The following RABEP1 variants were observed in gnomAD, a reference collection of about 807,000 sequenced individuals.
RABEP1 encodes rab GTPase-binding effector protein 1.
A neutral mutation model predicts 123.4 loss-of-function variants in RABEP1; 51 were observed. The observed-to-expected ratio is 0.41, with a 90% CI of 0.33 to 0.52. The LOEUF is 0.52. RABEP1 is among the 20% of genes least tolerant of loss of function. The probability of loss-of-function intolerance (pLI) is 0.16; values close to 1 mark genes in which losing one functional copy is unlikely to be tolerated. For missense variants in RABEP1, 888 were observed against 996.3 expected (o/e 0.89, Z 1.46); for synonymous variants, 347 against 355.2 (o/e 0.98, Z 0.26).
At chr17:5,356,578 G>A (rs1270252069) in intron 8 of RABEP1, 1 of 169,958 alleles carries the variant, frequency 5.9e-6, no homozygotes, top group Non-Finnish European at 1.3e-5. Context: ...ATTTTGGTAT[G>A]TATCTCTTTC....
intron 1 of RABEP1, among the ~76,000 whole-genome samples, chr17:5,288,397 T>C (rs1384051593): frequency 2.6e-5 from 4 of 152,108 alleles, no homozygotes; most frequent in East Asian, 3.9e-4. Flanking sequence ...TTATTTTATT[T>C]TATTTATTTA....
intron 6 of RABEP1, among the ~76,000 whole-genome samples, chr17:5,349,410 G>GA (rs1221613296): frequency 6.6e-6 from 1 of 152,172 alleles, no homozygotes; most frequent in African/African-American, 2.4e-5. Flanking sequence ...TTGGGGTGAG[G>GA]AAAAATCAGA....
intron 1 of RABEP1, among the ~76,000 whole-genome samples, chr17:5,291,871 C>T (rs2075036844): frequency 6.6e-6 from 1 of 152,202 alleles, no homozygotes; most frequent in Non-Finnish European, 1.5e-5. Context: ...AGCCACTGCA[C>T]TCCAGCCTGG....
intron 3 of RABEP1, among the ~76,000 whole-genome samples, chr17:5,332,474 A>T (rs1020793725): frequency 6.6e-6 from 1 of 152,164 alleles, no homozygotes; most frequent in African/African-American, 2.4e-5. Flanking sequence ...ATTAAGCTGT[A>T]TGGGCACAGG....
intron 2 of RABEP1, among the ~76,000 whole-genome samples, chr17:5,312,857 A>G (rs895363628): frequency 6.6e-6 from 1 of 152,280 alleles, no homozygotes; most frequent in East Asian, 1.9e-4. Context: ...CTGTAATCCT[A>G]GCAGTTTGAG....
At chr17:5,305,933 A>G (rs940954330) in intron 1 of RABEP1, among the ~76,000 whole-genome samples, 2 of 152,102 alleles carry the variant, frequency 1.3e-5, no homozygotes, top group African/African-American at 4.8e-5. Flanking sequence ...GTTCCTCAAA[A>G]ATTACCATTA....
At chr17:5,378,537 G>T in intron 15 of RABEP1, 1 of 402,020 alleles carries the variant, frequency 2.5e-6, no homozygotes, top group Non-Finnish European at 4.5e-6. Flanking sequence ...AGGTACAGTA[G>T]AAATATGTAT....
intron 2 of RABEP1, among the ~76,000 whole-genome samples, chr17:5,324,579 G>C (rs1400787083): frequency 6.6e-6 from 1 of 152,202 alleles, no homozygotes; most frequent in Non-Finnish European, 1.5e-5. Flanking sequence ...AAATGGGATT[G>C]CATCAGGCTA....
rs1332559580 is a variant in RABEP1, at chr17:5,308,594, T to C, written c.35-100T>C. ...GATTTTTGGAAGAAGCTTGACTACTTGTTTCACGTATAGCAATGTACAGCT... is the reference window on the plus strand; with the variant it reads ...GATTTTTGGAAGAAGCTTGACTACTCGTTTCACGTATAGCAATGTACAGCT... On this transcript the variant is annotated intron_variant, in intron 1 of 17. Transcript: ENST00000537505. 4 of 1,111,732 alleles carry C rather than the reference T, an allele frequency of 3.6e-6. No individual in the cohort carries two copies. The East Asian group carries it at 1.1e-4, about 31-fold the overall frequency. 68.9% of individuals were successfully genotyped at this position (1,111,732 alleles called of 1,614,324 possible).
rs3026116 is a variant in RABEP1 at position 5,383,230 on chromosome 17, C to T, written c.*7C>T. 1 of 1,610,814 alleles carries T rather than the reference C, an allele frequency of 6.2e-7. No homozygotes were observed. Among genetic ancestry groups the T allele is most frequent in the African/African-American group, 1.3e-5 (1 of 74,936 alleles). On this transcript the variant is annotated 3_prime_UTR_variant, in exon 18 of 18. Coordinates refer to ENST00000537505, the MANE Select transcript of RABEP1 (RefSeq NM_004703.6). ...CCAGCTTCCTGAGACATGACACCCTCATGGCAGGATTCTAGCCTGCACTTT... is the reference window on the plus strand; with the variant it reads ...CCAGCTTCCTGAGACATGACACCCTTATGGCAGGATTCTAGCCTGCACTTT...
At chr17:5,299,327 T>C (rs2075111465) in intron 1 of RABEP1, among the ~76,000 whole-genome samples, 1 of 152,110 alleles carries the variant, frequency 6.6e-6, no homozygotes, top group Non-Finnish European at 1.5e-5. Flanking sequence ...TAGTTCCTTT[T>C]AGTGGGGAAT....
intron 11 of RABEP1, among the ~76,000 whole-genome samples, chr17:5,367,482 G>A (rs1190827108): frequency 6.6e-6 from 1 of 151,712 alleles, no homozygotes; most frequent in Non-Finnish European, 1.5e-5. Context: ...TCTTGGCCAG[G>A]CTGGTCTCGA....
At chr17:5,299,037 T>C (rs527917618) in intron 1 of RABEP1, among the ~76,000 whole-genome samples, 1 of 152,184 alleles carries the variant, frequency 6.6e-6, no homozygotes, top group Non-Finnish European at 1.5e-5. Flanking sequence ...AATGCTATTA[T>C]AACACCTAAA....
At chr17:5,327,831 T>G (rs958939017) in intron 2 of RABEP1, among the ~76,000 whole-genome samples, 1 of 152,168 alleles carries the variant, frequency 6.6e-6, no homozygotes, top group African/African-American at 2.4e-5. Flanking sequence ...TAGACAATTT[T>G]TATAGAACAG....
chr17:5,359,864 A>G (rs1909346830), intron 8 of RABEP1, among the ~76,000 whole-genome samples: 1 of 152,218 alleles, frequency 6.6e-6, no homozygotes, highest in African/African-American at 2.4e-5. Context: ...TTTTCTTTAA[A>G]TCATTTTTCT....
chr17:5,314,760 C>T (rs952802485), intron 2 of RABEP1, among the ~76,000 whole-genome samples: 13 of 152,152 alleles, frequency 8.5e-5, no homozygotes, highest in Non-Finnish European at 1.8e-4. Context: ...CCTTGTGATC[C>T]GCCCACTTCA....
Position 5,308,835 on chromosome 17 carries a change from G to A in RABEP1, c.163+13G>A. On this transcript the variant is annotated intron_variant, in intron 2 of 17. Coordinates refer to ENST00000537505, the MANE Select transcript of RABEP1 (RefSeq NM_004703.6). ...TTGGCTAAAGAGGGTAAGTTCATAA[G>A]TCTCGCACCAACTTCAATGCGAAAA... is the stretch of plus-strand genomic sequence containing the variant. The A allele has an allele frequency of 6.3e-7, 1 of 1,586,902 alleles. No individual in the cohort carries two copies. Among genetic ancestry groups the A allele is most frequent in the Non-Finnish European group, 8.6e-7 (1 of 1,166,766 alleles).
At chr17:5,378,358 G>A (rs779185340) in intron 15 of RABEP1, 126 bp downstream of exon 15, 1 of 949,276 alleles carries the variant, frequency 1.1e-6, no homozygotes, top group South Asian at 1.4e-5. Flanking sequence ...CTTTTGTCTT[G>A]TGGGAAGAAA....
chr17:5,330,394 T>A (rs1035582938), intron 2 of RABEP1, among the ~76,000 whole-genome samples: 1 of 152,250 alleles, frequency 6.6e-6, no homozygotes, highest in Non-Finnish European at 1.5e-5. Flanking sequence ...GGTGTTTCCC[T>A]CTGTGACTTT....
Sources: allele counts gnomAD v4.1 joint callset (sites outside exome capture counted in the v4.1 genomes callset), GRCh38; gene constraint gnomAD v4.1.1; transcripts MANE v1.5; gene names NCBI Gene and HGNC (gene_info 2026-07-23, HGNC 2026-07-21).